OC90: variants seen among roughly 807,000 people sequenced by gnomAD.
The protein encoded by OC90 is otoconin 90.
In OC90, 46 loss-of-function variants were observed where a neutral mutation model predicts 47.3. The observed-to-expected ratio is 0.97, with a 90% CI of 0.77 to 1.24. The LOEUF is 1.24. OC90 is among the 50% of genes most tolerant of loss of function. The pLI is 0.00. For synonymous variants in OC90, 271 were observed against 219.5 expected (o/e 1.23, Z -2.07); for missense variants, 688 against 583.9 (o/e 1.18, Z -1.84).
intron 9 of OC90, among the ~76,000 whole-genome samples, chr8:132,035,509 CT>C (rs1822945029): frequency 6.6e-6 from 1 of 152,214 alleles, no homozygotes; most frequent in African/African-American, 2.4e-5. Flanking sequence ...GACTATTTCA[CT>C]TCTGGCTGTG....
chr8:132,035,294 C>T (rs1268852305), intron 9 of OC90, among the ~76,000 whole-genome samples: 1 of 152,204 alleles, frequency 6.6e-6, no homozygotes, highest in Non-Finnish European at 1.5e-5. Flanking sequence ...AGTTATTAAG[C>T]TCCTACTACA....
At position 132,045,833 on chromosome 8, in the gene OC90, G is replaced by T; in HGVS notation, c.97C>A (p.Leu33Ile). ...GAATCCTTACTGATATTGTTTGGGA[G>T]TCCTGGAGGCAGCTCCTGTGGAAGA... ...PHLPQELPPG[L>I]PNNINITFFS... is the part of the protein sequence containing the mutation. Residue 33 changes from leucine to isoleucine, a missense_variant, in exon 3 of 14, where the codon CTC becomes ATC. Leu to Ile is a conservative substitution (Grantham distance 5). Transcript: ENST00000254627. 1 of 1,542,078 alleles carries T rather than the reference G, an allele frequency of 6.5e-7. No individual in the cohort carries two copies. The highest frequency in any genetic ancestry group is 1.4e-5 in the African/African-American group (1 of 72,970).
intron 2 of OC90, among the ~76,000 whole-genome samples, chr8:132,053,983 C>A (rs551692393): frequency 2.0e-5 from 3 of 152,334 alleles, no homozygotes; most frequent in East Asian, 3.9e-4. Context: ...TGCACAGAGA[C>A]CCTCCTCATG....
At chr8:132,028,613 AGG>A (rs1563727532) in intron 13 of OC90, among the ~76,000 whole-genome samples, 558 of 45,296 alleles carry the variant, frequency 0.012, 16 homozygotes, top group African/African-American at 0.038. Context: ...GAAGGAGGGA[AGG>A]AGGAAGGAAG....
At chr8:132,043,774 T>C (rs185835453) in intron 4 of OC90, among the ~76,000 whole-genome samples, 8 of 152,366 alleles carry the variant, frequency 5.3e-5, no homozygotes, top group East Asian at 1.9e-4. Context: ...TATGTAAATA[T>C]GCATTTTCAT....
At chr8:132,053,280 C>A (rs765023508) in intron 2 of OC90, among the ~76,000 whole-genome samples, 1 of 152,106 alleles carries the variant, frequency 6.6e-6, no homozygotes, top group Non-Finnish European at 1.5e-5. Flanking sequence ...GTAACCATTT[C>A]CCCCACTAAA....
Position 132,044,414 on chromosome 8 carries a change from A to G in OC90, c.169+19T>C. On this transcript the variant is annotated intron_variant, in intron 4 of 13. Coordinates refer to ENST00000254627, the MANE Select transcript of OC90 (RefSeq NM_001080399.3). ...GCTCTGACCTCTGGTGGATAAAAGCAATTTTAGACTTAACTTACCAAAAAT... is the reference window on the plus strand; with the variant it reads ...GCTCTGACCTCTGGTGGATAAAAGCGATTTTAGACTTAACTTACCAAAAAT... 6.9e-7 allele frequency: 1 copy of G among 1,444,058 alleles called. No homozygotes were observed. Among genetic ancestry groups the G allele is most frequent in the Non-Finnish European group, 9.6e-7 (1 of 1,045,252 alleles). The allele number at this position is 1,444,058 out of a possible 1,614,324, so 89.5% of individuals were successfully genotyped here.
At chr8:132,044,529 T>C in intron 3 of OC90, 40 bp from the exon 4 acceptor site, 1 of 1,184,986 alleles carries the variant, frequency 8.4e-7, no homozygotes, top group South Asian at 1.3e-5. Flanking sequence ...TCTTGGTTTT[T>C]CCTTTTTTTC....
intron 12 of OC90, among the ~76,000 whole-genome samples, chr8:132,031,608 G>A (rs1822875409): frequency 6.6e-6 from 1 of 152,168 alleles, no homozygotes; most frequent in South Asian, 2.1e-4. Context: ...AGTACTGAAA[G>A]GGCTCTAGGC....
chr8:132,045,008 G>C (rs773752507), intron 3 of OC90, among the ~76,000 whole-genome samples: 11 of 149,736 alleles, frequency 7.3e-5, no homozygotes, highest in Non-Finnish European at 1.3e-4. Context: ...ATTGCCGTGA[G>C]GGCTACTCTT....
rs774504502 is a variant in OC90 at position 132,034,788 on chromosome 8, G to A, written c.726C>T (p.Ser242=). 1.5e-4 allele frequency: 239 copies of A among 1,610,840 alleles called. 2 individuals carry two copies. The Middle Eastern group carries it at 3.1e-3, about 21-fold the overall frequency. ...GGAGCCCAGTAGGCTTACCTGGAGG[G>A]GACGTAGCCCTAGCAGCTCCCACTC... ...QEGVGAARAT[S]PPGSAEIVAT... is the part of the protein sequence containing the mutation. The change falls in exon 10 of 14, where the codon TCC becomes TCT. Residue 242 remains serine (S), a synonymous_variant. Coordinates refer to ENST00000254627, the MANE Select transcript of OC90 (RefSeq NM_001080399.3).
chr8:132,051,501 T>C (rs1264235199), intron 2 of OC90, among the ~76,000 whole-genome samples: 1 of 152,214 alleles, frequency 6.6e-6, no homozygotes, highest in Admixed American at 6.5e-5. Flanking sequence ...TGAATCCACA[T>C]TCCAGCTCAG....
intron 13 of OC90, among the ~76,000 whole-genome samples, chr8:132,026,105 A>G (rs1822753757): frequency 6.6e-6 from 1 of 152,274 alleles, no homozygotes; most frequent in Admixed American, 6.5e-5. Context: ...TCTGAAATTC[A>G]AATTTAACTG....
At chr8:132,028,562 GA>G (rs1197165771) in intron 13 of OC90, among the ~76,000 whole-genome samples, 9 of 18,006 alleles carry the variant, frequency 5.0e-4, no homozygotes, top group Non-Finnish European at 7.0e-4. Flanking sequence ...AAGAAAGAAA[GA>G]AAGGAAGGAA....
At chr8:132,050,864 G>T (rs955781161) in intron 2 of OC90, among the ~76,000 whole-genome samples, 1 of 152,038 alleles carries the variant, frequency 6.6e-6, no homozygotes, top group Non-Finnish European at 1.5e-5. Context: ...ACTGGGAGTG[G>T]TGGCATGTAA....
At position 132,032,037 on chromosome 8, in the gene OC90, G is replaced by A. The variant is rs1325628593; in HGVS notation, c.875C>T (p.Thr292Ile). The change falls in exon 12 of 14, where the codon ACC becomes ATC. Residue 292 changes from threonine (T) to isoleucine (I), a missense_variant. Thr to Ile is a moderately conservative substitution (Grantham distance 89). Transcript: ENST00000254627. ...GTCCCCACTTCCCAGGTGCAGGAAG[G>A]TGAATCTGTCACAGGCTGAAAGGAA... ...ETTEKACDRFTFLHLGSGDNM... is the reference protein window; with the variant it reads ...ETTEKACDRFIFLHLGSGDNM... 2 of 1,613,808 alleles carry A rather than the reference G, an allele frequency of 1.2e-6. No individual in the cohort carries two copies. Among genetic ancestry groups the A allele is most frequent in the South Asian group, 1.1e-5 (1 of 91,050 alleles).
At chr8:132,037,528 C>T in intron 8 of OC90, 40 bp from the exon 9 acceptor site, 2 of 1,540,558 alleles carry the variant, frequency 1.3e-6, no homozygotes, top group Non-Finnish European at 1.8e-6. Flanking sequence ...ACTCATGCAA[C>T]ACAGTGTCAA....
chr8:132,034,412 A>G (rs1051092141), intron 10 of OC90, among the ~76,000 whole-genome samples: 7 of 152,352 alleles, frequency 4.6e-5, no homozygotes, highest in Admixed American at 4.6e-4. Flanking sequence ...CATCTAATCC[A>G]GGATTAAGAC....
intron 2 of OC90, among the ~76,000 whole-genome samples, chr8:132,047,831 A>T (rs534469523): frequency 1.2e-3 from 178 of 152,324 alleles, no homozygotes; most frequent in Non-Finnish European, 2.2e-3. Flanking sequence ...TCATCAATGT[A>T]CCCTGCTATG....
Sources: gnomAD v4.1 joint callset for allele counts (sites outside exome capture counted in the v4.1 genomes callset) on GRCh38, gnomAD v4.1.1 for gene constraint, MANE v1.5 for transcripts, NCBI Gene and HGNC (gene_info 2026-07-23, HGNC 2026-07-21) for gene names.